Variants in DLEU7 observed in about 807,000 individuals in gnomAD.
The protein encoded by DLEU7 is leukemia-associated protein 7.
A neutral mutation model predicts 16.0 loss-of-function variants in DLEU7; 17 were observed. The observed-to-expected ratio is 1.06, with a 90% CI of 0.73 to 1.59. The LOEUF (loss-of-function observed/expected upper bound fraction) is 1.59, where lower values mean the gene tolerates loss of function less well. Among genes scored for constraint, DLEU7 ranks in the 40% most tolerant of loss-of-function variants. The probability of loss-of-function intolerance (pLI) is 0.00; values close to 1 mark genes in which losing one functional copy is unlikely to be tolerated. For missense variants in DLEU7, 308 were observed against 314.9 expected (o/e 0.98, Z 0.17); for synonymous variants, 113 against 139.8 (o/e 0.81, Z 1.35).
chr13:50,797,532 A>G (rs1876137401), intron 1 of DLEU7, among the ~76,000 whole-genome samples: 1 of 152,202 alleles, frequency 6.6e-6, no homozygotes, highest in African/African-American at 2.4e-5. Context: ...TAGGAAATGG[A>G]AAAAGAGTAG....
intron 1 of DLEU7, among the ~76,000 whole-genome samples, chr13:50,747,154 G>A (rs1167407871): frequency 2.6e-5 from 4 of 152,056 alleles, no homozygotes; most frequent in East Asian, 1.9e-4. Flanking sequence ...AATCATAGAC[G>A]ATTAAATCAA....
chr13:50,811,308 C>A (rs1876558770), intron 1 of DLEU7, among the ~76,000 whole-genome samples: 1 of 152,014 alleles, frequency 6.6e-6, no homozygotes, highest in Admixed American at 6.6e-5. Flanking sequence ...GAGAAGTAAC[C>A]AGAGAGGTGA....
chr13:50,840,634 C>T (rs1408952050), intron 1 of DLEU7, among the ~76,000 whole-genome samples: 1 of 152,014 alleles, frequency 6.6e-6, no homozygotes. Context: ...AGGATGGGGA[C>T]TCAAGGGCTG....
chr13:50,762,146 G>A (rs545847651), intron 1 of DLEU7, among the ~76,000 whole-genome samples: 5 of 133,892 alleles, frequency 3.7e-5, no homozygotes, highest in South Asian at 2.3e-4. Context: ...AGCCAAGATC[G>A]CACCACTGCA....
At chr13:50,723,039 A>G (rs1873665343) in intron 1 of DLEU7, 1 of 152,216 alleles carries the variant, frequency 6.6e-6, no homozygotes, top group Non-Finnish European at 1.5e-5. Context: ...TTCTTAAGCA[A>G]TCCCTTAATG....
rs138213838 is a variant in DLEU7 at position 50,752,360 on chromosome 13, C to G, written c.460-39120G>C. Among the ~76,000 whole-genome samples the G allele has an allele frequency of 9.5e-4, 144 of 152,110 alleles. 1 individual carries two copies. Among genetic ancestry groups the G allele is most frequent in the African/African-American group, 3.3e-3 (136 of 41,498 alleles). ...GCCACCGTGCCAGGCCTTTTTTAGT[C>G]TTTTTGATGTAGGCGTTTAGGGCTA... On this transcript the variant is annotated intron_variant, in intron 1 of 1. Coordinates refer to the DLEU7 transcript ENST00000400393.
At chr13:50,739,799 T>G (rs1165323808) in intron 1 of DLEU7, among the ~76,000 whole-genome samples, 2 of 152,184 alleles carry the variant, frequency 1.3e-5, no homozygotes, top group African/African-American at 4.8e-5. Flanking sequence ...ATTCTCACTT[T>G]CTTATCAGCA....
intron 1 of DLEU7, among the ~76,000 whole-genome samples, chr13:50,739,140 A>G (rs1416682000): frequency 6.6e-6 from 1 of 152,012 alleles, no homozygotes; most frequent in Non-Finnish European, 1.5e-5. Flanking sequence ...CCTCCCACCT[A>G]GCTCAATCCT....
At chr13:50,729,453 C>G (rs1413298212) in intron 1 of DLEU7, among the ~76,000 whole-genome samples, 1 of 151,940 alleles carries the variant, frequency 6.6e-6, no homozygotes, top group African/African-American at 2.4e-5. Context: ...CTAGGGTGAC[C>G]CCATGTCTTT....
At chr13:50,807,508 T>C (rs9535490) in intron 1 of DLEU7, among the ~76,000 whole-genome samples, 2 of 144,288 alleles carry the variant, frequency 1.4e-5, no homozygotes, top group African/African-American at 2.6e-5. Context: ...TTTTTGGTGT[T>C]TTTTTTTTTA....
intron 1 of DLEU7, among the ~76,000 whole-genome samples, chr13:50,740,785 T>C (rs1006574872): frequency 1.3e-5 from 2 of 152,218 alleles, no homozygotes; most frequent in Non-Finnish European, 2.9e-5. Flanking sequence ...AAAACCCTTA[T>C]TTTAATAGTA....
At chr13:50,809,936 G>C (rs1034220743) in intron 1 of DLEU7, among the ~76,000 whole-genome samples, 1 of 151,908 alleles carries the variant, frequency 6.6e-6, no homozygotes, top group Non-Finnish European at 1.5e-5. Context: ...CTCTGTTTGT[G>C]ACACAGTGTC....
chr13:50,718,832 A>G (rs1873511753), intron 1 of DLEU7, among the ~76,000 whole-genome samples: 1 of 152,196 alleles, frequency 6.6e-6, no homozygotes, highest in Non-Finnish European at 1.5e-5. Flanking sequence ...TTGGTTAGAA[A>G]ATAACTCAAG....
chr13:50,726,420 T>G lies in DLEU7; in HGVS notation c.460-13180A>C, dbSNP rs1873764435. The stretch of plus-strand genomic sequence containing the variant: ...ACAGCCACCTGACTTTCCCGCCTCC[T>G]CCTTTCACGGAACACAGGCTTCCAT... On this transcript the variant is annotated intron_variant, in intron 1 of 1. Coordinates refer to the DLEU7 transcript ENST00000400393. The surrounding 1 kb of genome is among the most constrained non-coding windows in gnomAD (Gnocchi z 4.0). Among the ~76,000 whole-genome samples, 2 of 151,362 alleles carry G rather than the reference T, an allele frequency of 1.3e-5. No homozygotes were observed. The highest frequency in any genetic ancestry group is 2.9e-5 in the Non-Finnish European group (2 of 67,818).
intron 1 of DLEU7, among the ~76,000 whole-genome samples, chr13:50,832,962 A>G (rs1593415700): frequency 6.6e-6 from 1 of 152,360 alleles, no homozygotes; most frequent in East Asian, 1.9e-4. Flanking sequence ...GATTATCTCA[A>G]CAGATGCACA....
At chr13:50,758,282 A>G (rs948561613) in intron 1 of DLEU7, among the ~76,000 whole-genome samples, 3 of 152,188 alleles carry the variant, frequency 2.0e-5, no homozygotes, top group Non-Finnish European at 4.4e-5. Flanking sequence ...AGAAACGTTA[A>G]AAACACTCCA....
intron 1 of DLEU7, among the ~76,000 whole-genome samples, chr13:50,715,782 T>C (rs1677326501): frequency 6.6e-6 from 1 of 152,258 alleles, no homozygotes. Flanking sequence ...ACAACGTCTA[T>C]GCCAGATAAT....
At chr13:50,833,342 C>A (rs1003876375) in intron 1 of DLEU7, among the ~76,000 whole-genome samples, 1 of 152,218 alleles carries the variant, frequency 6.6e-6, no homozygotes, top group Non-Finnish European at 1.5e-5. Flanking sequence ...TAAGCAACTT[C>A]AGCAAAGTCT....
At chr13:50,827,172 C>T (rs1593412484) in intron 1 of DLEU7, among the ~76,000 whole-genome samples, 5 of 152,144 alleles carry the variant, frequency 3.3e-5, no homozygotes, top group Admixed American at 3.3e-4. Context: ...AAATGAATGA[C>T]GGTTCATTTT....
Sources: allele counts gnomAD v4.1 joint callset (sites outside exome capture counted in the v4.1 genomes callset), GRCh38; gene constraint gnomAD v4.1.1; non-coding constraint Gnocchi (gnomAD v3.1); transcripts MANE v1.5; gene names NCBI Gene and HGNC (gene_info 2026-07-23, HGNC 2026-07-21).